The following UGT1A8 variants were observed in gnomAD, a reference collection of about 807,000 sequenced individuals.
UGT1A8 encodes UDP-glucuronosyltransferase 1A8.
A neutral mutation model predicts 45.3 loss-of-function variants in UGT1A8; 39 were observed. The ratio of observed to expected loss-of-function variants is 0.86; its 90% CI spans 0.67 to 1.12. The LOEUF is 1.12. UGT1A8 is among the 50% of genes most tolerant of loss of function. The pLI is 0.00. For synonymous variants in UGT1A8, 275 were observed against 249.2 expected (o/e 1.10, Z -0.97); for missense variants, 719 against 664.9 (o/e 1.08, Z -0.90).
chr2:233,742,169 GAA>G (rs2125841424), intron 1 of UGT1A8, among the ~76,000 whole-genome samples: 1 of 152,048 alleles, frequency 6.6e-6, no homozygotes, highest in East Asian at 1.9e-4. Context: ...CACACACACA[GAA>G]ATATAGAGTG....
rs763801706 is a variant in UGT1A8, at chr2:233,618,014, C to T, written c.307C>T (p.Arg103Ter). The T allele has an allele frequency of 3.1e-6, 5 of 1,614,138 alleles. No homozygotes were observed. The highest frequency in any genetic ancestry group is 1.7e-5 in the Admixed American group (1 of 60,012). The stretch of plus-strand genomic sequence containing the variant: ...CGATGCTCAATGGAAAGCACAAGTA[C>T]GAAGTTTGTTTTCTCTATTTCTGAG... The part of the protein sequence containing the change: ...FADAQWKAQV[R>*]SLFSLFLSSS... Residue 103 changes from arginine (R) to a stop codon, truncating the protein, a stop_gained, in exon 1 of 5, where the codon CGA becomes TGA. Transcript: ENST00000373450. LOFTEE classifies it high-confidence loss of function.
chr2:233,739,738 C>G (rs1691193557), intron 1 of UGT1A8, among the ~76,000 whole-genome samples: 1 of 152,084 alleles, frequency 6.6e-6, no homozygotes, highest in Non-Finnish European at 1.5e-5. Flanking sequence ...TCAGATGAGA[C>G]CTTGGACTAT....
At chr2:233,660,595 G>C (rs561722545) in intron 1 of UGT1A8, among the ~76,000 whole-genome samples, 25 of 152,214 alleles carry the variant, frequency 1.6e-4, no homozygotes, top group African/African-American at 6.0e-4. Context: ...TCCCTTAAAG[G>C]CTCAAGGATT....
chr2:233,701,911 A>G (rs2075659701), intron 1 of UGT1A8, among the ~76,000 whole-genome samples: 1 of 152,188 alleles, frequency 6.6e-6, no homozygotes, highest in African/African-American at 2.4e-5. Flanking sequence ...TAAAATTGAC[A>G]CCCTAACATC....
chr2:233,706,918 G>A (rs921108992), intron 1 of UGT1A8, among the ~76,000 whole-genome samples: 4 of 152,304 alleles, frequency 2.6e-5, no homozygotes, highest in Admixed American at 1.3e-4. Context: ...AGCTGCCAGA[G>A]TATGAGTCTG....
intron 1 of UGT1A8, chr2:233,689,856 A>G (rs2074962856): frequency 2.2e-6 from 1 of 455,870 alleles, no homozygotes; most frequent in Admixed American, 2.4e-5. Flanking sequence ...GTTTTAGGCT[A>G]CTATTACCTT....
At chr2:233,632,922 G>C (rs963329628) in intron 1 of UGT1A8, among the ~76,000 whole-genome samples, 2 of 152,136 alleles carry the variant, frequency 1.3e-5, no homozygotes, top group African/African-American at 4.8e-5. Flanking sequence ...TTTTCAAAGG[G>C]AATGCTTCCA....
At position 233,760,758 on chromosome 2, in the gene UGT1A8, C is replaced by T. The variant is rs765894633; in HGVS notation, c.856-6276C>T. The stretch of plus-strand genomic sequence containing the variant: ...TGACGGACCCTTTCCTTCCTTGCAG[C>T]CCCATCGTGGCCCAGTACCTGTCTC... On this transcript the variant is annotated intron_variant, in intron 1 of 4. Transcript: ENST00000373450. 28 of 1,613,982 alleles carry T rather than the reference C, an allele frequency of 1.7e-5. No homozygotes were observed. In the Admixed American group the frequency reaches 3.0e-4, roughly 17 times the overall value.
At chr2:233,693,944 G>A (rs2075190377) in intron 1 of UGT1A8, 26 of 1,599,102 alleles carry the variant, frequency 1.6e-5, no homozygotes, top group South Asian at 1.6e-4. Context: ...TCCTTGAGCC[G>A]ACTGTCCCTT....
intron 1 of UGT1A8, among the ~76,000 whole-genome samples, chr2:233,632,162 T>C (rs911277331): frequency 2.0e-5 from 3 of 152,194 alleles, no homozygotes; most frequent in Non-Finnish European, 4.4e-5. Flanking sequence ...TGGCATAATT[T>C]CTGAGGCCTC....
chr2:233,742,301 A>C (rs1405327803), intron 1 of UGT1A8, among the ~76,000 whole-genome samples: 1 of 152,018 alleles, frequency 6.6e-6, no homozygotes, highest in Admixed American at 6.5e-5. Context: ...TTATAGATTA[A>C]CTAAAAGTAT....
chr2:233,737,523 G>A (rs890594707), intron 1 of UGT1A8, among the ~76,000 whole-genome samples: 3 of 152,158 alleles, frequency 2.0e-5, no homozygotes, highest in Non-Finnish European at 4.4e-5. Context: ...TAGGTGAGGC[G>A]ACGCCCTGCC....
rs1180664629 is a variant in UGT1A8, at chr2:233,724,483, C to T, written c.856-42551C>T. On this transcript the variant is annotated intron_variant, in intron 1 of 4. Coordinates refer to ENST00000373450, the MANE Select transcript of UGT1A8 (RefSeq NM_019076.5). ...GCGGAGGGGCTCCTCACTTCTCAGA[C>T]GGGGCGGCCGGGCAGAGACGCTCCT... 7.2e-3 allele frequency among the ~76,000 whole-genome samples: 496 copies of T among 68,798 alleles called. 18 individuals are homozygous for T. The highest frequency in any genetic ancestry group is 0.025 in the African/African-American group (456 of 18,100). The allele number at this position is 68,798 out of a possible 152,430, so 45.1% of individuals were successfully genotyped here. A position where few individuals can be genotyped will look rare whatever the true frequency, so the allele number is the denominator to read the frequency against.
chr2:233,664,001 C>A (rs1340384426), intron 1 of UGT1A8, among the ~76,000 whole-genome samples: 1 of 152,154 alleles, frequency 6.6e-6, no homozygotes, highest in Non-Finnish European at 1.5e-5. Context: ...ATCTGGAATA[C>A]TTTACTGCTT....
At chr2:233,753,850 C>G (rs929195641) in intron 1 of UGT1A8, among the ~76,000 whole-genome samples, 1 of 152,312 alleles carries the variant, frequency 6.6e-6, no homozygotes, top group Non-Finnish European at 1.5e-5. Flanking sequence ...ATATCATTGA[C>G]CAACCACATA....
chr2:233,758,754 A>T (rs888171679), intron 1 of UGT1A8, among the ~76,000 whole-genome samples: 16 of 152,250 alleles, frequency 1.1e-4, no homozygotes, highest in Middle Eastern at 6.8e-3. Flanking sequence ...CTGGCCAGTG[A>T]TGTGTATGGT....
At chr2:233,753,630 C>T (rs897661378) in intron 1 of UGT1A8, 6 of 152,296 alleles carry the variant, frequency 3.9e-5, no homozygotes, top group Middle Eastern at 3.4e-3. Flanking sequence ...GGGCATAACC[C>T]GTGCCAACAC....
chr2:233,691,015 G>T, intron 1 of UGT1A8: 1 of 993,080 alleles, frequency 1.0e-6, no homozygotes, highest in Non-Finnish European at 1.2e-6. Flanking sequence ...GCAAGGCTGT[G>T]GTTGGAAGGG....
chr2:233,627,199 G>A (rs1407863599), intron 1 of UGT1A8, among the ~76,000 whole-genome samples: 1 of 151,880 alleles, frequency 6.6e-6, no homozygotes, highest in Non-Finnish European at 1.5e-5. Flanking sequence ...TTCCAGAATA[G>A]GGCACTGTCA....
Sources: gnomAD v4.1 joint callset for allele counts (sites outside exome capture counted in the v4.1 genomes callset) on GRCh38, gnomAD v4.1.1 for gene constraint, MANE v1.5 for transcripts, NCBI Gene and HGNC (gene_info 2026-07-23, HGNC 2026-07-21) for gene names.